SUSD1: variants seen among roughly 807,000 people sequenced by gnomAD.
The protein encoded by SUSD1 is sushi domain containing 1, also known as sushi domain-containing protein 1.
SUSD1 carries 65 observed loss-of-function variants against 86.9 expected under a neutral mutation model. The observed-to-expected ratio is 0.75, with a 90% CI of 0.61 to 0.92. SUSD1 has a LOEUF of 0.92. Ranked by LOEUF, SUSD1 falls within the 40% of genes least tolerant of loss-of-function variation. The pLI is 0.00. For missense variants in SUSD1, 850 were observed against 929.7 expected (o/e 0.91, Z 1.11); for synonymous variants, 346 against 350.0 (o/e 0.99, Z 0.13).
intron 12 of SUSD1, among the ~76,000 whole-genome samples, chr9:112,076,746 G>A (rs747537118): frequency 1.3e-5 from 2 of 152,148 alleles, no homozygotes; most frequent in African/African-American, 4.8e-5. Flanking sequence ...AGGCTGAAGA[G>A]GGGTCATAAA....
intron 14 of SUSD1, among the ~76,000 whole-genome samples, chr9:112,053,385 G>A (rs1024380259): frequency 6.6e-6 from 1 of 151,502 alleles, no homozygotes; most frequent in Non-Finnish European, 1.5e-5. Flanking sequence ...TGTGGTGGTG[G>A]GCGCCTGTAC....
At chr9:112,118,356 G>T (rs1831413673) in intron 6 of SUSD1, among the ~76,000 whole-genome samples, 1 of 152,164 alleles carries the variant, frequency 6.6e-6, no homozygotes, top group Non-Finnish European at 1.5e-5. Context: ...GGCTATAAAA[G>T]TTTTCATGTG....
At chr9:112,154,674 G>A (rs1833216685) in intron 2 of SUSD1, among the ~76,000 whole-genome samples, 1 of 152,200 alleles carries the variant, frequency 6.6e-6, no homozygotes, top group African/African-American at 2.4e-5. Flanking sequence ...TCCATAAAAT[G>A]GAATATTCCT....
intron 4 of SUSD1, among the ~76,000 whole-genome samples, chr9:112,143,016 A>C (rs1297936865): frequency 1.0e-5 from 1 of 97,654 alleles, no homozygotes; most frequent in African/African-American, 4.1e-5. Flanking sequence ...CAGAGATCTC[A>C]CTCTGTTGTC....
Position 112,141,365 on chromosome 9 carries a change from G to A in SUSD1, c.706+955C>T, listed in dbSNP as rs571519888. Among the ~76,000 whole-genome samples the A allele has an allele frequency of 1.1e-3, 169 of 152,302 alleles. 1 individual carries two copies. The highest frequency in any genetic ancestry group is 1.9e-3 in the Non-Finnish European group (128 of 68,034). On this transcript the variant is annotated intron_variant, in intron 5 of 16. Transcript: ENST00000374270. Reference sequence around the variant, plus strand: ...TAATACTTGGCACACAGTGCCATATGAGTAGACATGATTAGATATGCCAAA... The same window carrying A: ...TAATACTTGGCACACAGTGCCATATAAGTAGACATGATTAGATATGCCAAA...
At chr9:112,073,754 C>T (rs1330145421) in intron 12 of SUSD1, among the ~76,000 whole-genome samples, 1 of 151,896 alleles carries the variant, frequency 6.6e-6, no homozygotes, top group African/African-American at 2.4e-5. Flanking sequence ...TTAGACGGGG[C>T]TGGTGATGTG....
intron 7 of SUSD1, 127 bp downstream of exon 7, chr9:112,112,644 T>A (rs532579409): frequency 1.6e-6 from 1 of 632,530 alleles, no homozygotes; most frequent in South Asian, 1.9e-5. Flanking sequence ...ACAAAAAAAA[T>A]AAAAGAAAAA....
At chr9:112,068,419 T>G (rs1325882834) in intron 12 of SUSD1, among the ~76,000 whole-genome samples, 1 of 152,114 alleles carries the variant, frequency 6.6e-6, no homozygotes, top group Non-Finnish European at 1.5e-5. Flanking sequence ...CATTGAAAGA[T>G]TTTTAGCAGG....
intron 4 of SUSD1, among the ~76,000 whole-genome samples, chr9:112,143,097 G>A (rs1460642160): frequency 6.9e-6 from 1 of 144,174 alleles, no homozygotes; most frequent in African/African-American, 2.6e-5. Context: ...AAATTCTCAT[G>A]CCTCAGCCTC....
rs1827714740 is a variant in SUSD1, at chr9:112,041,072, T to C, written c.*420A>G. 1 of 253,972 alleles carries C rather than the reference T, an allele frequency of 3.9e-6. No individual in the cohort carries two copies. Among genetic ancestry groups the C allele is most frequent in the Admixed American group, 4.8e-5 (1 of 20,772 alleles). 15.7% of individuals were successfully genotyped at this position (253,972 alleles called of 1,614,324 possible). A position where few individuals can be genotyped will look rare whatever the true frequency, so the allele number is the denominator to read the frequency against. ...CTCACTGCATATTGTAAAGAATGGA[T>C]TCTGAATGAATTAACAGAAATGCTT... On this transcript the variant is annotated 3_prime_UTR_variant, in exon 17 of 17. Transcript: ENST00000374270.
chr9:112,141,954 T>C (rs968924047), intron 5 of SUSD1, among the ~76,000 whole-genome samples: 13 of 146,896 alleles, frequency 8.8e-5, no homozygotes, highest in African/African-American at 3.3e-4. Flanking sequence ...ACACCTAACA[T>C]CAAAAAACTA....
rs777175198 is a variant in SUSD1, at chr9:112,143,453, T to G, written c.526+18A>C. On this transcript the variant is annotated intron_variant, in intron 4 of 16. Transcript: ENST00000374270. ...AGAATTTCACGTTGAGATGCCGCAA[T>G]TTTTGGCAGAAACCCACCTGTGCAT... 1 of 1,609,390 alleles carries G rather than the reference T, an allele frequency of 6.2e-7. No individual in the cohort carries two copies. Among genetic ancestry groups the G allele is most frequent in the Admixed American group, 1.7e-5 (1 of 59,218 alleles).
chr9:112,107,863 T>TA (rs1830918090), intron 8 of SUSD1, among the ~76,000 whole-genome samples: 1 of 152,150 alleles, frequency 6.6e-6, no homozygotes, highest in Admixed American at 6.5e-5. Flanking sequence ...CAATCCATGT[T>TA]AAAAATAAAC....
At chr9:112,145,124 C>T (rs1185814685) in intron 3 of SUSD1, among the ~76,000 whole-genome samples, 1 of 151,972 alleles carries the variant, frequency 6.6e-6, no homozygotes, top group African/African-American at 2.4e-5. Context: ...TAGTTCAATT[C>T]CACTTGGAGA....
intron 6 of SUSD1, among the ~76,000 whole-genome samples, chr9:112,117,296 C>T (rs1182733614): frequency 6.6e-6 from 1 of 152,212 alleles, no homozygotes; most frequent in Non-Finnish European, 1.5e-5. Flanking sequence ...GGCTTTTCTC[C>T]CCTCATGGAG....
At chr9:112,122,575 T>G (rs1419874705) in intron 6 of SUSD1, among the ~76,000 whole-genome samples, 1 of 152,204 alleles carries the variant, frequency 6.6e-6, no homozygotes, top group African/African-American at 2.4e-5. Context: ...ATTACAGGTA[T>G]GAGCCATTGC....
Position 112,041,303 on chromosome 9 carries a change from T to C in SUSD1, c.*189A>G. The stretch of plus-strand genomic sequence containing the variant: ...ACTCAGAATTCCTGAGTTTTCTCCT[T>C]ATGGTGACTCCTCAGGGATAGCCAC... On this transcript the variant is annotated 3_prime_UTR_variant, in exon 17 of 17. Coordinates refer to ENST00000374270, the MANE Select transcript of SUSD1 (RefSeq NM_022486.5). 1.6e-6 allele frequency: 1 copy of C among 639,776 alleles called. No homozygotes were observed. The highest frequency in any genetic ancestry group is 1.8e-5 in the South Asian group (1 of 56,294). The allele number at this position is 639,776 out of a possible 1,614,324, so 39.6% of individuals were successfully genotyped here. A position where few individuals can be genotyped will look rare whatever the true frequency, so the allele number is the denominator to read the frequency against.
At chr9:112,167,006 C>T (rs1216538161) in intron 1 of SUSD1, among the ~76,000 whole-genome samples, 1 of 152,192 alleles carries the variant, frequency 6.6e-6, no homozygotes. Flanking sequence ...TAAAACTACA[C>T]CTAACAATGA....
intron 1 of SUSD1, among the ~76,000 whole-genome samples, chr9:112,165,866 GAAGGAAGA>G (rs1287620993): frequency 1.2e-4 from 18 of 145,838 alleles, no homozygotes; most frequent in African/African-American, 4.6e-4. Flanking sequence ...AGGAAGGAAG[GAAGGAAGA>G]AAGAGAAAGA....
Sources: gnomAD v4.1 joint callset for allele counts (sites outside exome capture counted in the v4.1 genomes callset) on GRCh38, gnomAD v4.1.1 for gene constraint, MANE v1.5 for transcripts, NCBI Gene and HGNC (gene_info 2026-07-23, HGNC 2026-07-21) for gene names.